Variants in POLA1 observed in about 807,000 individuals in gnomAD.
POLA1 encodes the protein DNA polymerase alpha catalytic subunit.
In POLA1, 15 loss-of-function variants were observed where a neutral mutation model predicts 124.0. That is an observed-to-expected ratio of 0.12 (90% CI 0.08 to 0.19). The LOEUF (loss-of-function observed/expected upper bound fraction) is 0.19. Among genes scored for constraint, POLA1 ranks in the 10% least tolerant of loss-of-function variants. The pLI, the probability that POLA1 is intolerant of heterozygous loss-of-function variation, is 1.00. For missense variants in POLA1, 886 were observed against 1,103.4 expected, an observed-to-expected ratio of 0.80 and a Z score of 2.79; for synonymous variants, 408 against 389.4, an observed-to-expected ratio of 1.05 and a Z score of -0.56.
intron 24 of POLA1, among the ~76,000 whole-genome samples, chrX:24,747,566 A>G (rs770723007): frequency 2.5e-3 from 273 of 111,282 alleles, no homozygotes; most frequent in Non-Finnish European, 4.1e-3. Flanking sequence ...ATTCTATAGC[A>G]TTTTGTTTGG....
intron 26 of POLA1, among the ~76,000 whole-genome samples, chrX:24,790,940 T>TAA (rs1261738531): frequency 6.1e-5 from 6 of 98,376 alleles, no homozygotes; most frequent in African/African-American, 1.1e-4. Flanking sequence ...TATATATATA[T>TAA]AAAACATTTA....
chrX:24,732,589 G>GTTTTTT (rs1197349636), intron 16 of POLA1, 135 bp downstream of exon 16: 33 of 116,555 alleles, frequency 2.8e-4, no homozygotes, highest in East Asian at 1.8e-3. Context: ...AGAGGGTTTT[G>GTTTTTT]TTTTTTTTTG....
intron 34 of POLA1, among the ~76,000 whole-genome samples, chrX:24,866,026 T>C (rs1468508349): frequency 8.9e-6 from 1 of 111,777 alleles, no homozygotes; most frequent in African/African-American, 3.2e-5. Context: ...TCCACGCATA[T>C]TGATAAGTTC....
At chrX:24,791,442 A>C (rs1276459665) in intron 26 of POLA1, among the ~76,000 whole-genome samples, 1 of 112,717 alleles carries the variant, frequency 8.9e-6, no homozygotes, top group Non-Finnish European at 1.9e-5. Flanking sequence ...GCTGGAGTGC[A>C]ATGGCACGAT....
chrX:24,765,835 C>T (rs767639246), intron 26 of POLA1, among the ~76,000 whole-genome samples: 8 of 111,914 alleles, frequency 7.1e-5, no homozygotes, highest in African/African-American at 2.3e-4. Flanking sequence ...GTGCCCTTCC[C>T]CAGTTTCCTC....
At chrX:24,733,424 G>C (rs1386466589) in intron 16 of POLA1, among the ~76,000 whole-genome samples, 1 of 112,469 alleles carries the variant, frequency 8.9e-6, no homozygotes, top group African/African-American at 3.2e-5. Flanking sequence ...AGGCTGAACT[G>C]AGTTTCTCCG....
At chrX:24,753,633 A>C (rs1280808831) in intron 26 of POLA1, among the ~76,000 whole-genome samples, 1 of 111,926 alleles carries the variant, frequency 8.9e-6, no homozygotes. Context: ...AGGATTATAG[A>C]TAGGAGCCAC....
At chrX:24,972,620 A>G (rs759586782) in intron 36 of POLA1, among the ~76,000 whole-genome samples, 1 of 111,959 alleles carries the variant, frequency 8.9e-6, no homozygotes, top group African/African-American at 3.2e-5. Context: ...ATCACCCTGT[A>G]TAGAATAACT....
At chrX:24,956,765 A>G (rs1340430865) in intron 36 of POLA1, among the ~76,000 whole-genome samples, 2 of 112,313 alleles carry the variant, frequency 1.8e-5, no homozygotes, top group Non-Finnish European at 3.8e-5. Context: ...CTTAATAAAT[A>G]GTTAATAAAA....
At chrX:24,851,771 T>C (rs1267296408) in intron 34 of POLA1, among the ~76,000 whole-genome samples, 1 of 113,284 alleles carries the variant, frequency 8.8e-6, no homozygotes, top group Non-Finnish European at 1.9e-5. Context: ...TTGATTTCTC[T>C]AACCTGGTGT....
At chrX:24,913,168 A>C (rs916551387) in intron 35 of POLA1, among the ~76,000 whole-genome samples, 5 of 112,581 alleles carry the variant, frequency 4.4e-5, no homozygotes, top group African/African-American at 1.6e-4. Flanking sequence ...ATATAAAGGA[A>C]GGTACTACTG....
intron 34 of POLA1, among the ~76,000 whole-genome samples, chrX:24,864,301 C>T (rs1314662062): frequency 9.0e-6 from 1 of 111,566 alleles, no homozygotes; most frequent in South Asian, 3.7e-4. Flanking sequence ...TATTTTTAAT[C>T]GTGATTGCTC....
At chrX:24,697,527 A>G (rs1289179158) in intron 1 of POLA1, among the ~76,000 whole-genome samples, 2 of 112,172 alleles carry the variant, frequency 1.8e-5, no homozygotes, top group African/African-American at 6.5e-5. Context: ...GTGAAAGTCA[A>G]ACAATAGAGT....
intron 26 of POLA1, among the ~76,000 whole-genome samples, chrX:24,770,944 A>G (rs1159062913): frequency 9.0e-6 from 1 of 111,498 alleles, no homozygotes; most frequent in Non-Finnish European, 1.9e-5. Flanking sequence ...ACATTCCATA[A>G]CAGTAACACA....
intron 36 of POLA1, among the ~76,000 whole-genome samples, chrX:24,944,922 C>G (rs1484110304): frequency 8.9e-6 from 1 of 111,883 alleles, no homozygotes; most frequent in African/African-American, 3.3e-5. Flanking sequence ...TGTTTTGTTC[C>G]TTCCTTCTGC....
At chrX:24,987,241 C>A (rs937608568) in intron 36 of POLA1, among the ~76,000 whole-genome samples, 2 of 111,541 alleles carry the variant, frequency 1.8e-5, no homozygotes, top group African/African-American at 6.5e-5. Context: ...GATCCTTGCC[C>A]CGTTGAGCAC....
At chrX:24,791,746 AT>A (rs1410624269) in intron 26 of POLA1, among the ~76,000 whole-genome samples, 1 of 112,222 alleles carries the variant, frequency 8.9e-6, no homozygotes, top group Non-Finnish European at 1.9e-5. Flanking sequence ...TTTAGGAATG[AT>A]TATATACATT....
intron 36 of POLA1, among the ~76,000 whole-genome samples, chrX:24,962,076 T>C (rs2048174986): frequency 9.0e-6 from 1 of 111,481 alleles, no homozygotes; most frequent in Non-Finnish European, 1.9e-5. Context: ...TATATATATA[T>C]TATATTTACT....
At chrX:24,798,763 C>T (rs201421339) in intron 26 of POLA1, among the ~76,000 whole-genome samples, 2 of 111,187 alleles carry the variant, frequency 1.8e-5, no homozygotes, top group East Asian at 2.8e-4. Flanking sequence ...GGGATTGGTG[C>T]CCCTAACCTC....
Sources: allele counts gnomAD v4.1 joint callset (sites outside exome capture counted in the v4.1 genomes callset), GRCh38; gene constraint gnomAD v4.1.1; transcripts MANE v1.5; gene names NCBI Gene and HGNC (gene_info 2026-07-23, HGNC 2026-07-21).